The following SCHIP1 variants were observed in gnomAD, a reference collection of about 807,000 sequenced individuals.
SCHIP1 encodes schwannomin interacting protein 1, also known as schwannomin-interacting protein 1.
SCHIP1 carries 8 observed loss-of-function variants against 29.7 expected under a neutral mutation model. The observed-to-expected ratio is 0.27, with a 90% confidence interval of 0.16 to 0.49. The LOEUF is 0.49. SCHIP1 is among the 20% of genes least tolerant of loss of function. The probability of loss-of-function intolerance (pLI) is 0.99; values close to 1 mark genes in which losing one functional copy is unlikely to be tolerated. For missense variants in SCHIP1, 193 were observed against 294.6 expected (o/e 0.66, Z 2.52); for synonymous variants, 76 against 94.9 (o/e 0.80, Z 1.16).
chr3:159,557,048 C>G, the SCHIP1 span, among the ~76,000 whole-genome samples: 1 of 151,698 alleles, frequency 6.6e-6, no homozygotes, highest in Non-Finnish European at 1.5e-5. Context: ...AGCTCCGCCT[C>G]CCGGGTTCAC....
the SCHIP1 span, among the ~76,000 whole-genome samples, chr3:159,584,072 A>G: frequency 6.6e-6 from 1 of 152,106 alleles, no homozygotes; most frequent in African/African-American, 2.4e-5. Flanking sequence ...TAGCTTTCAC[A>G]TTTCCCTCTT....
At chr3:159,477,849 C>G in the SCHIP1 span, among the ~76,000 whole-genome samples, 1 of 151,666 alleles carries the variant, frequency 6.6e-6, no homozygotes, top group Non-Finnish European at 1.5e-5. Context: ...AAAATTATTG[C>G]CTAGATCTAC....
the SCHIP1 span, among the ~76,000 whole-genome samples, chr3:159,649,569 T>C: frequency 6.6e-6 from 1 of 152,098 alleles, no homozygotes; most frequent in Admixed American, 6.6e-5. Context: ...TAAAAATCAG[T>C]ACAATTGTAT....
chr3:159,622,061 T>A, the SCHIP1 span, among the ~76,000 whole-genome samples: 5,384 of 152,318 alleles, frequency 0.035, 306 homozygotes, highest in African/African-American at 0.12. Flanking sequence ...CATCCCTTTT[T>A]ATCACAGAAG....
intron 6 of SCHIP1, chr3:159,894,601 A>G (rs78176473): frequency 2.0e-5 from 3 of 152,132 alleles, no homozygotes; most frequent in Non-Finnish European, 2.9e-5. Flanking sequence ...CAACGTGACT[A>G]TGAATTCCCT....
the SCHIP1 span, among the ~76,000 whole-genome samples, chr3:159,454,377 G>T: frequency 6.6e-6 from 1 of 152,082 alleles, no homozygotes; most frequent in African/African-American, 2.4e-5. Context: ...ACCTGCATTG[G>T]GTGTGGTGGC....
intron 2 of SCHIP1, among the ~76,000 whole-genome samples, chr3:159,872,049 T>G (rs1715348557): frequency 6.6e-6 from 1 of 152,134 alleles, no homozygotes; most frequent in Non-Finnish European, 1.5e-5. Flanking sequence ...TTGAGGTAGT[T>G]AAGTCAAATA....
At chr3:159,484,161 T>C in the SCHIP1 span, among the ~76,000 whole-genome samples, 1 of 152,162 alleles carries the variant, frequency 6.6e-6, no homozygotes, top group Non-Finnish European at 1.5e-5. Flanking sequence ...CTCCAATTAG[T>C]TGAAAATTAT....
At chr3:159,755,242 A>G in the SCHIP1 span, among the ~76,000 whole-genome samples, 1 of 152,128 alleles carries the variant, frequency 6.6e-6, no homozygotes, top group Non-Finnish European at 1.5e-5. Flanking sequence ...CTCAAAAAAA[A>G]AGAAAGAAAG....
the SCHIP1 span, among the ~76,000 whole-genome samples, chr3:159,768,016 T>C: frequency 6.6e-6 from 1 of 152,184 alleles, no homozygotes; most frequent in Non-Finnish European, 1.5e-5. Flanking sequence ...ACACAACCCA[T>C]ACCTAATCCA....
chr3:159,771,381 A>C, the SCHIP1 span, among the ~76,000 whole-genome samples: 1 of 152,224 alleles, frequency 6.6e-6, no homozygotes, highest in Non-Finnish European at 1.5e-5. Flanking sequence ...AAGTTGTGTG[A>C]TTCTGCAGCC....
chr3:159,525,624 AG>A, the SCHIP1 span, among the ~76,000 whole-genome samples: 1 of 152,250 alleles, frequency 6.6e-6, no homozygotes, highest in African/African-American at 2.4e-5. Context: ...AAGGGTGCCC[AG>A]ACACAGCGTG....
At chr3:159,785,296 C>T in the SCHIP1 span, among the ~76,000 whole-genome samples, 1 of 152,214 alleles carries the variant, frequency 6.6e-6, no homozygotes, top group East Asian at 1.9e-4. Context: ...CTACCAATGG[C>T]AATGCACTTA....
At chr3:159,490,446 G>A in the SCHIP1 span, among the ~76,000 whole-genome samples, 2 of 152,190 alleles carry the variant, frequency 1.3e-5, no homozygotes, top group South Asian at 2.1e-4. Flanking sequence ...AGGATATCAG[G>A]AAGAGAAAAC....
rs143529407 is a variant in SCHIP1, at chr3:159,873,219, A to G, written c.149+6938A>G. On this transcript the variant is annotated intron_variant, in intron 2 of 6. Transcript: ENST00000445224. Reference sequence around the variant, plus strand: ...TTTTAAATGAGGCTGGAGATTTAAAATTAATTGACCAAGCAGTGGATTCCT... The same window carrying G: ...TTTTAAATGAGGCTGGAGATTTAAAGTTAATTGACCAAGCAGTGGATTCCT... 5.7e-3 allele frequency among the ~76,000 whole-genome samples: 866 copies of G among 152,354 alleles called. 12 individuals carry two copies. The highest frequency in any genetic ancestry group is 0.02 in the African/African-American group (829 of 41,586).
chr3:159,636,125 T>C, the SCHIP1 span, among the ~76,000 whole-genome samples: 1 of 152,258 alleles, frequency 6.6e-6, no homozygotes, highest in African/African-American at 2.4e-5. Flanking sequence ...CTCAGCTCAC[T>C]GCAGCCTTTG....
At chr3:159,278,110 G>T in the SCHIP1 span, among the ~76,000 whole-genome samples, 1 of 152,100 alleles carries the variant, frequency 6.6e-6, no homozygotes, top group Non-Finnish European at 1.5e-5. Context: ...CTTAGACATG[G>T]ATAAGGGTCA....
At chr3:159,300,113 C>CTTTTTTT in the SCHIP1 span, among the ~76,000 whole-genome samples, 49 of 45,380 alleles carry the variant, frequency 1.1e-3, 10 homozygotes, top group African/African-American at 4.1e-3. Context: ...GGGAAAGCTG[C>CTTTTTTT]TTTTTTTTTT....
At chr3:159,394,116 G>C in the SCHIP1 span, among the ~76,000 whole-genome samples, 1 of 150,462 alleles carries the variant, frequency 6.6e-6, no homozygotes, top group Non-Finnish European at 1.5e-5. Context: ...CTCTTTGTTT[G>C]TCTGTTGTTG....
Sources: gnomAD v4.1 joint callset for allele counts (sites outside exome capture counted in the v4.1 genomes callset) on GRCh38, gnomAD v4.1.1 for gene constraint, MANE v1.5 for transcripts, NCBI Gene and HGNC (gene_info 2026-07-23, HGNC 2026-07-21) for gene names.